HMHB1: variants seen among roughly 807,000 people sequenced by gnomAD.
HMHB1 encodes histocompatibility minor HB-1.
HMHB1 carries 4 observed loss-of-function variants against 2.4 expected under a neutral mutation model. That is an observed-to-expected ratio of 1.65 (90% CI 0.81 to 3.77). The LOEUF (loss-of-function observed/expected upper bound fraction) is 3.77, where lower values mean the gene tolerates loss of function less well. HMHB1 is among the 30% of genes most tolerant of loss of function. HMHB1 has a pLI of 0.01. For missense variants in HMHB1, 57 were observed against 44.2 expected (o/e 1.29, Z -0.82); for synonymous variants, 22 against 17.6 (o/e 1.25, Z -0.63).
At chr5:143,819,680 C>T (rs1759786707) in intron 1 of HMHB1, among the ~76,000 whole-genome samples, 1 of 150,762 alleles carries the variant, frequency 6.6e-6, no homozygotes, top group South Asian at 2.1e-4. Flanking sequence ...AGCACAATGG[C>T]AATACCCCAT....
intron 1 of HMHB1, among the ~76,000 whole-genome samples, chr5:143,817,744 G>A (rs988374606): frequency 2.6e-5 from 4 of 152,164 alleles, no homozygotes; most frequent in Non-Finnish European, 4.4e-5. Flanking sequence ...TGTGAAGAAT[G>A]ATGGTGGTAT....
intron 1 of HMHB1, among the ~76,000 whole-genome samples, chr5:143,814,774 A>G (rs756851456): frequency 2.0e-5 from 3 of 152,226 alleles, no homozygotes; most frequent in Non-Finnish European, 4.4e-5. Flanking sequence ...TAGAGTCATA[A>G]TTATAAAAAT....
intron 1 of HMHB1, among the ~76,000 whole-genome samples, chr5:143,816,821 G>A (rs1191267740): frequency 5.3e-5 from 8 of 152,182 alleles, no homozygotes; most frequent in Admixed American, 5.2e-4. Flanking sequence ...ATTCCCACCA[G>A]CAGTGTAAAA....
intron 1 of HMHB1, among the ~76,000 whole-genome samples, chr5:143,816,404 C>G (rs1325367544): frequency 6.6e-6 from 1 of 152,112 alleles, no homozygotes; most frequent in African/African-American, 2.4e-5. Context: ...CATTATTATG[C>G]CTTTGCGTCC....
chr5:143,816,084 C>G (rs1046783401), intron 1 of HMHB1, among the ~76,000 whole-genome samples: 2 of 152,172 alleles, frequency 1.3e-5, no homozygotes, highest in Non-Finnish European at 2.9e-5. Context: ...ATTTTAAGGT[C>G]ACCTGATTAG....
At chr5:143,814,806 T>C (rs1001349125) in intron 1 of HMHB1, among the ~76,000 whole-genome samples, 4 of 152,224 alleles carry the variant, frequency 2.6e-5, no homozygotes, top group African/African-American at 9.6e-5. Flanking sequence ...GTCTCCTACT[T>C]TCTCAAAATG....
intron 1 of HMHB1, among the ~76,000 whole-genome samples, chr5:143,820,080 A>G (rs1000074044): frequency 6.6e-6 from 1 of 152,118 alleles, no homozygotes; most frequent in Non-Finnish European, 1.5e-5. Flanking sequence ...ACATGATTTT[A>G]TTTCTAATGA....
chr5:143,816,336 C>T (rs1759749300), intron 1 of HMHB1, among the ~76,000 whole-genome samples: 1 of 152,104 alleles, frequency 6.6e-6, no homozygotes, highest in Non-Finnish European at 1.5e-5. Flanking sequence ...TATTTGTAGT[C>T]TTTTATCCCT....
chr5:143,812,906 C>A (rs142476692), intron 1 of HMHB1, among the ~76,000 whole-genome samples: 1 of 152,264 alleles, frequency 6.6e-6, no homozygotes, highest in African/African-American at 2.4e-5. Context: ...AACTCACTAA[C>A]CTCATTTCAG....
chr5:143,815,456 T>C (rs988372051), intron 1 of HMHB1, among the ~76,000 whole-genome samples: 1 of 152,198 alleles, frequency 6.6e-6, no homozygotes, highest in Non-Finnish European at 1.5e-5. Flanking sequence ...CAAAGTAATG[T>C]ATCCCTTTAA....
At chr5:143,812,702 G>A (rs1759705557) in intron 1 of HMHB1, among the ~76,000 whole-genome samples, 1 of 152,166 alleles carries the variant, frequency 6.6e-6, no homozygotes, top group Admixed American at 6.5e-5. Context: ...GGCTTCCCAA[G>A]GCAGCCCAGA....
chr5:143,817,913 G>A (rs1162016411), intron 1 of HMHB1, among the ~76,000 whole-genome samples: 1 of 152,162 alleles, frequency 6.6e-6, no homozygotes, highest in Non-Finnish European at 1.5e-5. Flanking sequence ...ACTGCTGAAA[G>A]AAATTAAAGG....
chr5:143,814,351 T>C (rs1759725294), intron 1 of HMHB1, among the ~76,000 whole-genome samples: 1 of 152,228 alleles, frequency 6.6e-6, no homozygotes, highest in African/African-American at 2.4e-5. Flanking sequence ...TGTTATTCTT[T>C]GTCTCTCGTC....
chr5:143,820,658 C>A lies in HMHB1; in HGVS notation c.*90C>A. On this transcript the variant is annotated 3_prime_UTR_variant, in exon 2 of 2. Transcript: ENST00000289448. ...GAGCATGAAGAAGAGTAAAATTAAG[C>A]AAGTGGAACATATGCCCTTTGCCTC... 2.5e-6 allele frequency: 2 copies of A among 812,950 alleles called. No individual in the cohort carries two copies. The highest frequency in any genetic ancestry group is 4.3e-6 in the Non-Finnish European group (2 of 464,496). 50.4% of individuals were successfully genotyped at this position (812,950 alleles called of 1,614,324 possible).
intron 1 of HMHB1, among the ~76,000 whole-genome samples, chr5:143,819,387 A>T (rs1759782104): frequency 6.6e-6 from 1 of 152,264 alleles, no homozygotes; most frequent in Non-Finnish European, 1.5e-5. Context: ...GATATCTGAG[A>T]GGAATCCTTA....
rs1399427035 is a variant in HMHB1 at position 143,814,332 on chromosome 5, AC to A, written c.37+2029del. 3.9e-5 allele frequency among the ~76,000 whole-genome samples: 6 copies of A among 152,234 alleles called. 1 individual carries two copies. In the East Asian group the frequency reaches 7.7e-4, roughly 20 times the overall value. On this transcript the variant is annotated intron_variant, in intron 1 of 1. Coordinates refer to ENST00000289448, the MANE Select transcript of HMHB1 (RefSeq NM_021182.3). Reference sequence around the variant, plus strand: ...TTTATAACTCATATCCTTATAAAATACTTTTATTTGTTATTCTTTGTCTCTC... The same window carrying A: ...TTTATAACTCATATCCTTATAAAATATTTTATTTGTTATTCTTTGTCTCTC...
Position 143,812,250 on chromosome 5 carries a change from A to G in HMHB1, c.-18A>G, listed in dbSNP as rs370376059. ...CTGACCTCACATCCTCTGCCACACC[A>G]CAGTGGAGAAACCAGAACTGGAGGA... On this transcript the variant is annotated 5_prime_UTR_variant, in exon 1 of 2. Transcript: ENST00000289448. 105 of 1,551,504 alleles carry G rather than the reference A, an allele frequency of 6.8e-5. No individual in the cohort carries two copies. The highest frequency in any genetic ancestry group is 6.6e-4 in the Middle Eastern group (4 of 6,016).
Position 143,812,209 on chromosome 5 carries a change from G to A in HMHB1, c.-59G>A. ...GCTTGCCCCGCATCTCAGAAGCCGG[G>A]CAGGCCCTGAGCCTTCTGACCTCAC... On this transcript the variant is annotated 5_prime_UTR_variant, in exon 1 of 2. Coordinates refer to ENST00000289448, the MANE Select transcript of HMHB1 (RefSeq NM_021182.3). The A allele has an allele frequency of 2.0e-6, 3 of 1,513,384 alleles. No homozygotes were observed. The highest frequency in any genetic ancestry group is 2.7e-6 in the Non-Finnish European group (3 of 1,115,732). 93.7% of individuals were successfully genotyped at this position (1,513,384 alleles called of 1,614,324 possible). A position where few individuals can be genotyped will look rare whatever the true frequency, so the allele number is the denominator to read the frequency against.
chr5:143,814,954 T>C (rs925452275), intron 1 of HMHB1, among the ~76,000 whole-genome samples: 2 of 152,226 alleles, frequency 1.3e-5, no homozygotes, highest in Non-Finnish European at 2.9e-5. Context: ...TGATATTTGT[T>C]ATCCCGTCAA....
Sources: allele counts gnomAD v4.1 joint callset (sites outside exome capture counted in the v4.1 genomes callset), GRCh38; gene constraint gnomAD v4.1.1; transcripts MANE v1.5; gene names NCBI Gene and HGNC (gene_info 2026-07-23, HGNC 2026-07-21).